APCDD1L: variants seen among roughly 807,000 people sequenced by gnomAD.
APCDD1L encodes protein APCDD1-like.
APCDD1L carries 21 observed loss-of-function variants against 24.2 expected under a neutral mutation model. The ratio of observed to expected loss-of-function variants is 0.87; its 90% CI spans 0.61 to 1.25. The LOEUF (loss-of-function observed/expected upper bound fraction) is 1.25, where lower values mean the gene tolerates loss of function less well. Among genes scored for constraint, APCDD1L ranks in the 50% most tolerant of loss-of-function variants. The pLI, the probability that APCDD1L is intolerant of heterozygous loss-of-function variation, is 0.00. For missense variants in APCDD1L, 704 were observed against 711.7 expected (o/e 0.99, Z 0.12); for synonymous variants, 321 against 323.6 (o/e 0.99, Z 0.09).
chr20:58,493,865 C>T (rs553537565), intron 1 of APCDD1L, among the ~76,000 whole-genome samples: 2 of 152,254 alleles, frequency 1.3e-5, no homozygotes, highest in East Asian at 3.9e-4. Flanking sequence ...GCACCAGTGC[C>T]CCACACAGTT....
chr20:58,483,513 G>A (rs1384030397), intron 1 of APCDD1L, among the ~76,000 whole-genome samples: 1 of 152,200 alleles, frequency 6.6e-6, no homozygotes. Flanking sequence ...ATCCTGGGTT[G>A]CTGTTAGGAT....
Position 58,460,428 on chromosome 20 carries a change from G to A in APCDD1L, c.*362C>T, listed in dbSNP as rs1170847461. On this transcript the variant is annotated 3_prime_UTR_variant, in exon 4 of 4. Transcript: ENST00000371149. This position sits in a 1 kb window ranked among gnomAD's most constrained non-coding sequence, Gnocchi z 4.2. ...CCCAAGGGTCAGGATGGGAAGAACT[G>A]GGGGGAACATGGGATGGGGGTGTTC... 3.1e-5 allele frequency: 6 copies of A among 191,974 alleles called. No individual in the cohort carries two copies. The highest frequency in any genetic ancestry group is 2.8e-4 in the Admixed American group (5 of 17,726). The allele number at this position is 191,974 out of a possible 1,614,324, so 11.9% of individuals were successfully genotyped here. A position where few individuals can be genotyped will look rare whatever the true frequency, so the allele number is the denominator to read the frequency against.
chr20:58,495,155 C>T lies in APCDD1L; in HGVS notation c.49+19504G>A, dbSNP rs553009654. ...GACACCTCTGTCTCCCTCAACTTGTCGTCTGCCAACCCTAGTGTCGTACCT... is the reference window on the plus strand; with the variant it reads ...GACACCTCTGTCTCCCTCAACTTGTTGTCTGCCAACCCTAGTGTCGTACCT... On this transcript the variant is annotated intron_variant, in intron 1 of 3. Transcript: ENST00000371149. Among the ~76,000 whole-genome samples the T allele has an allele frequency of 7.9e-5, 12 of 152,316 alleles. No homozygotes were observed. In the East Asian group the frequency reaches 1.7e-3, roughly 22 times the overall value.
At chr20:58,462,627 T>G (rs1222718223) in intron 3 of APCDD1L, among the ~76,000 whole-genome samples, 1 of 152,028 alleles carries the variant, frequency 6.6e-6, no homozygotes, top group Admixed American at 6.5e-5. Flanking sequence ...GCAGATCACT[T>G]GAGGTCAGGA....
Position 58,486,199 on chromosome 20 carries a change from G to A in APCDD1L, c.50-15452C>T, listed in dbSNP as rs938550139. Among the ~76,000 whole-genome samples the A allele has an allele frequency of 1.3e-4, 20 of 152,278 alleles. 1 individual carries two copies. The highest frequency in any genetic ancestry group is 7.8e-4 in the Admixed American group (12 of 15,294). ...GAATATAGAATAATATACATGAAATGTTTAATAAAGTAAAACATGGAATTT... is the reference window on the plus strand; with the variant it reads ...GAATATAGAATAATATACATGAAATATTTAATAAAGTAAAACATGGAATTT... On this transcript the variant is annotated intron_variant, in intron 1 of 3. Transcript: ENST00000371149.
At chr20:58,468,473 C>T (rs182719373) in intron 2 of APCDD1L, among the ~76,000 whole-genome samples, 2 of 152,088 alleles carry the variant, frequency 1.3e-5, no homozygotes, top group Non-Finnish European at 2.9e-5. Flanking sequence ...CTACTGAGGG[C>T]GCAGGTAGGG....
chr20:58,512,989 A>G (rs1483249908), intron 1 of APCDD1L, among the ~76,000 whole-genome samples: 1 of 150,990 alleles, frequency 6.6e-6, no homozygotes, highest in African/African-American at 2.4e-5. Context: ...CTGGGCAGCA[A>G]GACTCCCCAA....
At chr20:58,503,236 G>T (rs1990475653) in intron 1 of APCDD1L, among the ~76,000 whole-genome samples, 1 of 152,178 alleles carries the variant, frequency 6.6e-6, no homozygotes, top group Admixed American at 6.5e-5. Flanking sequence ...CAAAAGTATT[G>T]CAAGACTGTG....
In APCDD1L at chr20:58,497,463, G is replaced by C. The variant is rs1044326739; in HGVS notation, c.49+17196C>G. On this transcript the variant is annotated intron_variant, in intron 1 of 3. Coordinates refer to ENST00000371149, the MANE Select transcript of APCDD1L (RefSeq NM_153360.3). The surrounding 1 kb of genome is among the most constrained non-coding windows in gnomAD (Gnocchi z 4.3). ...GGAGGCCATGAGTCTGGGCTCATGAGTCTGGGCTCAAGGTGCGAGCTGGGT... is the reference window on the plus strand; with the variant it reads ...GGAGGCCATGAGTCTGGGCTCATGACTCTGGGCTCAAGGTGCGAGCTGGGT... Among the ~76,000 whole-genome samples, 2 of 152,184 alleles carry C rather than the reference G, an allele frequency of 1.3e-5. No homozygotes were observed. The highest frequency in any genetic ancestry group is 2.9e-5 in the Non-Finnish European group (2 of 68,032).
chr20:58,463,231 G>T (rs1989645653), intron 3 of APCDD1L, among the ~76,000 whole-genome samples: 1 of 151,930 alleles, frequency 6.6e-6, no homozygotes, highest in South Asian at 2.1e-4. Flanking sequence ...CTCGTAAAGA[G>T]CTGGGACTCA....
At chr20:58,473,420 T>C (rs554551558) in intron 1 of APCDD1L, among the ~76,000 whole-genome samples, 2 of 152,238 alleles carry the variant, frequency 1.3e-5, no homozygotes, top group Non-Finnish European at 2.9e-5. Flanking sequence ...ATTCGGAACA[T>C]GTACACACAA....
At chr20:58,473,965 G>A (rs1989860190) in intron 1 of APCDD1L, among the ~76,000 whole-genome samples, 1 of 152,206 alleles carries the variant, frequency 6.6e-6, no homozygotes, top group African/African-American at 2.4e-5. Context: ...AGGCCGATGT[G>A]TTATCCTGAA....
intron 1 of APCDD1L, among the ~76,000 whole-genome samples, chr20:58,487,767 C>T (rs1350457843): frequency 6.6e-6 from 1 of 152,098 alleles, no homozygotes; most frequent in Non-Finnish European, 1.5e-5. Flanking sequence ...AAAAGATGGC[C>T]ATATCAGAAC....
rs559308408 is a variant in APCDD1L, at chr20:58,467,693, G to C, written c.189-35C>G. 8.3e-6 allele frequency: 12 copies of C among 1,440,874 alleles called. No homozygotes were observed. The East Asian group carries it at 3.0e-4, about 36-fold the overall frequency. The allele number at this position is 1,440,874 out of a possible 1,614,324, so 89.3% of individuals were successfully genotyped here. On this transcript the variant is annotated intron_variant, in intron 2 of 3. Transcript: ENST00000371149. The surrounding 1 kb of genome is among the most constrained non-coding windows in gnomAD (Gnocchi z 5.9). ...TGGAAGGAGATGGGCTGGGTGCAGA[G>C]GGAACACCGCGCCGCGAGCCCCTCT...
At position 58,461,105 on chromosome 20, in the gene APCDD1L, G is replaced by C; in HGVS notation, c.1191C>G (p.Asn397Lys). The C allele has an allele frequency of 6.2e-7, 1 of 1,613,988 alleles. No homozygotes were observed. The highest frequency in any genetic ancestry group is 8.5e-7 in the Non-Finnish European group (1 of 1,179,968). The change falls in exon 4 of 4, where the codon AAC (asparagine) becomes AAG (lysine). Residue 397 changes from asparagine (N) to lysine (K), a missense_variant. By Grantham distance (94) the Asn-to-Lys change is moderately conservative. Coordinates refer to ENST00000371149, the MANE Select transcript of APCDD1L (RefSeq NM_153360.3). This position sits in a 1 kb window ranked among gnomAD's most constrained non-coding sequence, Gnocchi z 6.0. ...GCCGGATGCCCAGCGGTAGGCAGCCGTTGGTGGCTGTGACATCCCGCTCAG... is the reference window on the plus strand; with the variant it reads ...GCCGGATGCCCAGCGGTAGGCAGCCCTTGGTGGCTGTGACATCCCGCTCAG... ...MGTERDVTATNGCLPLGIRLP... is the reference protein window; with the variant it reads ...MGTERDVTATKGCLPLGIRLP...
At chr20:58,482,571 G>A (rs1042313162) in intron 1 of APCDD1L, among the ~76,000 whole-genome samples, 3 of 151,910 alleles carry the variant, frequency 2.0e-5, no homozygotes, top group Admixed American at 1.3e-4. Flanking sequence ...GGGACAAAGC[G>A]GTGCTAATTG....
intron 1 of APCDD1L, among the ~76,000 whole-genome samples, chr20:58,487,368 A>C (rs1990138486): frequency 6.6e-6 from 1 of 151,774 alleles, no homozygotes; most frequent in South Asian, 2.1e-4. Flanking sequence ...AAGAAAGATA[A>C]AGTAATAGGA....
chr20:58,461,678 CCTCT>C lies in APCDD1L; in HGVS notation c.742-128_742-125del. On this transcript the variant is annotated intron_variant, in intron 3 of 3. Coordinates refer to ENST00000371149, the MANE Select transcript of APCDD1L (RefSeq NM_153360.3). This position sits in a 1 kb window ranked among gnomAD's most constrained non-coding sequence, Gnocchi z 6.0. ...GGTGAGGTGCGGCCTGTCCCTCCCT[CCTCT>C]CTCTCCTCACTCCCTGCCTTCAGTC... is the stretch of plus-strand genomic sequence containing the variant. 1.0e-6 allele frequency: 1 copy of C among 971,250 alleles called. No homozygotes were observed. The highest frequency in any genetic ancestry group is 3.1e-5 in the East Asian group (1 of 32,554). The allele number at this position is 971,250 out of a possible 1,614,324, so 60.2% of individuals were successfully genotyped here.
intron 1 of APCDD1L, among the ~76,000 whole-genome samples, chr20:58,495,422 G>A (rs897823190): frequency 2.0e-5 from 3 of 152,176 alleles, no homozygotes; most frequent in African/African-American, 7.2e-5. Context: ...AACGCTGCAG[G>A]GCTGGGGGCC....
Sources: allele counts gnomAD v4.1 joint callset (sites outside exome capture counted in the v4.1 genomes callset), GRCh38; gene constraint gnomAD v4.1.1; non-coding constraint Gnocchi (gnomAD v3.1); transcripts MANE v1.5; gene names NCBI Gene and HGNC (gene_info 2026-07-23, HGNC 2026-07-21).